Variants in GRM8 observed in about 807,000 individuals in gnomAD.
GRM8 encodes the protein glutamate metabotropic receptor 8, also known as metabotropic glutamate receptor 8.
Under a neutral mutation model 87.2 loss-of-function variants are expected in GRM8, and 47 were observed. That is an observed-to-expected ratio of 0.54 (90% CI 0.43 to 0.69). GRM8 has a LOEUF of 0.69. Ranked by LOEUF, GRM8 falls within the 30% of genes least tolerant of loss-of-function variation. The probability of loss-of-function intolerance (pLI) is 0.00; values close to 1 mark genes in which losing one functional copy is unlikely to be tolerated. For synonymous variants in GRM8, 396 were observed against 404.5 expected, an observed-to-expected ratio of 0.98 and a Z score of 0.25; for missense variants, 1,019 against 1,139.2, an observed-to-expected ratio of 0.89 and a Z score of 1.52.
At chr7:127,031,322 T>C (rs539129234) in intron 3 of GRM8, among the ~76,000 whole-genome samples, 104 of 152,264 alleles carry the variant, frequency 6.8e-4, no homozygotes, top group African/African-American at 2.3e-3. Flanking sequence ...TTTGTCATTA[T>C]CTGCAAATTT....
At chr7:126,557,528 T>A (rs1793281710) in intron 8 of GRM8, among the ~76,000 whole-genome samples, 1 of 151,658 alleles carries the variant, frequency 6.6e-6, no homozygotes, top group Non-Finnish European at 1.5e-5. Context: ...GTGGCGATCG[T>A]AAGAAATTTC....
intron 6 of GRM8, among the ~76,000 whole-genome samples, chr7:126,821,280 T>C (rs1218346769): frequency 1.3e-5 from 2 of 152,172 alleles, no homozygotes; most frequent in Admixed American, 1.3e-4. Flanking sequence ...AATGCACCCA[T>C]CCTTCAAGCA....
In GRM8 at chr7:126,929,502, C is replaced by T. The variant is rs188630764; in HGVS notation, c.728-24819G>A. 6.8e-4 allele frequency among the ~76,000 whole-genome samples: 103 copies of T among 152,196 alleles called. 1 individual carries two copies. In the East Asian group the frequency reaches 0.016, roughly 24 times the overall value. ...AGGCTGCAGTGCAGTGGCGCGACCC[C>T]GGCTCACTGCAACCTCCACCTCCCG... On this transcript the variant is annotated intron_variant, in intron 3 of 10. Transcript: ENST00000339582.
chr7:127,110,948 G>GC (rs1248734571), intron 2 of GRM8: 10 of 152,174 alleles, frequency 6.6e-5, no homozygotes, highest in Non-Finnish European at 1.5e-5. Context: ...ACCATGCTGG[G>GC]CCTCAATTCT....
At chr7:126,592,399 A>C (rs12666621) in intron 8 of GRM8, among the ~76,000 whole-genome samples, 45,909 of 151,776 alleles carry the variant, frequency 0.3, 7,955 homozygotes, top group East Asian at 0.44. Context: ...ATTGGCAAAC[A>C]GAATTCAAAG....
intron 9 of GRM8, among the ~76,000 whole-genome samples, chr7:126,481,281 T>C (rs1403841514): frequency 6.6e-6 from 1 of 152,030 alleles, no homozygotes; most frequent in Non-Finnish European, 1.5e-5. Flanking sequence ...GATCCAGTTA[T>C]GGATGACAAA....
rs529674854 is a variant in GRM8 at position 126,651,970 on chromosome 7, G to A, written c.1358-42472C>T. Reference sequence around the variant, plus strand: ...AAAACCATGACCTGCTGGGGTGCTTGCTGAAGGCAAAGGGAATACAGAATG... The same window carrying A: ...AAAACCATGACCTGCTGGGGTGCTTACTGAAGGCAAAGGGAATACAGAATG... On this transcript the variant is annotated intron_variant, in intron 7 of 10. Coordinates refer to ENST00000339582, the MANE Select transcript of GRM8 (RefSeq NM_000845.3). 1.1e-4 allele frequency among the ~76,000 whole-genome samples: 17 copies of A among 152,292 alleles called. 1 individual carries two copies. The highest frequency in any genetic ancestry group is 3.3e-4 in the Admixed American group (5 of 15,302).
rs1554501005 is a variant in GRM8 at position 126,816,752 on chromosome 7, G to GTGTGTGTC, written c.1157-46688_1157-46687insGACACACA. Among the ~76,000 whole-genome samples the GTGTGTGTC allele has an allele frequency of 1.0e-3, 155 of 151,768 alleles. 1 individual carries two copies. The highest frequency in any genetic ancestry group is 3.7e-3 in the African/African-American group (152 of 41,378). ...TGATTTTGTGTGTGTGTGTGTGTGT[G>GTGTGTGTC]TGTGTGTGTGTGTGTGTAGTGTAGC... On this transcript the variant is annotated intron_variant, in intron 6 of 10. Coordinates refer to ENST00000339582, the MANE Select transcript of GRM8 (RefSeq NM_000845.3).
chr7:127,021,496 A>G (rs1816262463), intron 3 of GRM8, among the ~76,000 whole-genome samples: 1 of 152,052 alleles, frequency 6.6e-6, no homozygotes, highest in African/African-American at 2.4e-5. Flanking sequence ...TTACTTCTCA[A>G]TGTACTCATT....
chr7:126,718,234 A>T (rs994026357), intron 7 of GRM8, among the ~76,000 whole-genome samples: 5 of 151,738 alleles, frequency 3.3e-5, no homozygotes, highest in African/African-American at 4.8e-5. Context: ...TCTGTCTCAA[A>T]AATAATAATA....
Position 126,770,050 on chromosome 7 carries a change from G to C in GRM8, c.1172C>G (p.Ala391Gly). The change falls in exon 7 of 11, where the codon GCT (alanine) becomes GGT (glycine). Residue 391 changes from alanine to glycine, a missense_variant. Ala to Gly is a moderately conservative substitution (Grantham distance 60). Transcript: ENST00000339582. Reference sequence around the variant, plus strand: ...TTCCTGTTCATAAGATGAATCCCGAGCAATTCGCTCCAGCCCTGCAAAATA... The same window carrying C: ...TTCCTGTTCATAAGATGAATCCCGACCAATTCGCTCCAGCCCTGCAAAATA... The part of the protein sequence containing the change: ...IKKCTGLERI[A>G]RDSSYEQEGK... The C allele has an allele frequency of 6.2e-7, 1 of 1,611,532 alleles. No homozygotes were observed. Among genetic ancestry groups the C allele is most frequent in the African/African-American group, 1.3e-5 (1 of 74,964 alleles).
chr7:127,201,988 G>T (rs1017619080), intron 2 of GRM8, among the ~76,000 whole-genome samples: 4 of 152,122 alleles, frequency 2.6e-5, no homozygotes, highest in African/African-American at 9.7e-5. Flanking sequence ...CTATTTTGAT[G>T]CTGCCTTTAA....
At chr7:127,069,547 GTA>G (rs1586910195) in intron 3 of GRM8, among the ~76,000 whole-genome samples, 1 of 152,174 alleles carries the variant, frequency 6.6e-6, no homozygotes, top group East Asian at 1.9e-4. Context: ...GGATTCACGA[GTA>G]TGACTTGCTG....
chr7:126,757,918 T>C (rs1046513345), intron 7 of GRM8, among the ~76,000 whole-genome samples: 1 of 152,136 alleles, frequency 6.6e-6, no homozygotes, highest in Non-Finnish European at 1.5e-5. Context: ...TACTCCCATA[T>C]CTTACCCTAA....
intron 2 of GRM8, among the ~76,000 whole-genome samples, chr7:127,150,016 T>G (rs1166783017): frequency 6.6e-6 from 1 of 152,072 alleles, no homozygotes; most frequent in Non-Finnish European, 1.5e-5. Context: ...TCATGCTAAA[T>G]GAGTGCTCTC....
chr7:126,747,369 G>A (rs1815817771), intron 7 of GRM8, among the ~76,000 whole-genome samples: 1 of 151,864 alleles, frequency 6.6e-6, no homozygotes, highest in South Asian at 2.1e-4. Context: ...TATGCTCTGT[G>A]GTCATGCATT....
Position 126,902,616 on chromosome 7 carries a change from T to G in GRM8, c.1082A>C (p.Glu361Ala). 1.9e-6 allele frequency: 3 copies of G among 1,611,180 alleles called. No homozygotes were observed. Among genetic ancestry groups the G allele is most frequent in the Non-Finnish European group, 2.5e-6 (3 of 1,178,206 alleles). The change falls in exon 6 of 11, where the codon GAA (glutamate) becomes GCA (alanine). Residue 361 changes from glutamate (E) to alanine (A), a missense_variant. Transcript: ENST00000339582. ...ANNRRNVWFA[E>A]FWEENFGCKL... ...GCAGCCAAAATTCTCCTCCCAGAAT[T>G]CTGCAAACCACACATTTCTTCGATT...
At chr7:126,556,078 G>T (rs1585042418) in intron 8 of GRM8, among the ~76,000 whole-genome samples, 1 of 152,076 alleles carries the variant, frequency 6.6e-6, no homozygotes, top group Non-Finnish European at 1.5e-5. Flanking sequence ...TTATCTTGGG[G>T]TTGGATACAT....
chr7:126,905,775 A>G (rs1353774546), intron 3 of GRM8, among the ~76,000 whole-genome samples: 1 of 152,210 alleles, frequency 6.6e-6, no homozygotes, highest in Non-Finnish European at 1.5e-5. Flanking sequence ...AATTAATAGG[A>G]TACCCAATAC....
Sources: allele counts gnomAD v4.1 joint callset (sites outside exome capture counted in the v4.1 genomes callset), GRCh38; gene constraint gnomAD v4.1.1; transcripts MANE v1.5; gene names NCBI Gene and HGNC (gene_info 2026-07-23, HGNC 2026-07-21).